Variants in CYP2C19 observed in about 807,000 individuals in gnomAD.
CYP2C19 encodes cytochrome P450 2C19.
Under a neutral mutation model 40.9 loss-of-function variants are expected in CYP2C19, and 59 were observed. The ratio of observed to expected loss-of-function variants is 1.44; its 90% CI spans 1.17 to 1.79. CYP2C19 has a LOEUF of 1.79. Among genes scored for constraint, CYP2C19 ranks in the 40% most tolerant of loss-of-function variants. The pLI, the probability that CYP2C19 is intolerant of heterozygous loss-of-function variation, is 0.00. For synonymous variants in CYP2C19, 253 were observed against 208.7 expected, an observed-to-expected ratio of 1.21 and a Z score of -1.83; for missense variants, 754 against 596.9, an observed-to-expected ratio of 1.26 and a Z score of -2.74.
intron 1 of CYP2C19, among the ~76,000 whole-genome samples, chr10:94,770,438 C>G (rs1286199150): frequency 2.0e-5 from 3 of 152,136 alleles, no homozygotes; most frequent in Non-Finnish European, 4.4e-5. Context: ...CTTTCTTTGT[C>G]TGAGGGCCAT....
At chr10:94,841,599 AT>A (rs1849496269) in intron 6 of CYP2C19, among the ~76,000 whole-genome samples, 1 of 151,610 alleles carries the variant, frequency 6.6e-6, no homozygotes, top group South Asian at 2.1e-4. Context: ...TTATTTGAAA[AT>A]TTTCTCCATT....
At chr10:94,795,468 G>T (rs1406500137) in intron 5 of CYP2C19, among the ~76,000 whole-genome samples, 1 of 152,100 alleles carries the variant, frequency 6.6e-6, no homozygotes, top group Non-Finnish European at 1.5e-5. Context: ...AAATGTACAT[G>T]TGCATGTGTC....
chr10:94,772,081 A>G (rs966305666), intron 1 of CYP2C19, among the ~76,000 whole-genome samples: 2 of 152,148 alleles, frequency 1.3e-5, no homozygotes, highest in African/African-American at 4.8e-5. Flanking sequence ...TCCTATGAAG[A>G]TGTTATGCCC....
intron 5 of CYP2C19, among the ~76,000 whole-genome samples, chr10:94,812,978 T>C (rs936590195): frequency 6.8e-6 from 1 of 146,994 alleles, no homozygotes; most frequent in Non-Finnish European, 1.5e-5. Flanking sequence ...TTTTGTGCTG[T>C]TTTTTTTTTC....
intron 8 of CYP2C19, among the ~76,000 whole-genome samples, chr10:94,851,298 A>C (rs759918013): frequency 6.6e-6 from 1 of 151,826 alleles, no homozygotes; most frequent in Non-Finnish European, 1.5e-5. Context: ...ATCTCATGAG[A>C]ACTCACTCAC....
intron 5 of CYP2C19, among the ~76,000 whole-genome samples, chr10:94,785,939 C>T (rs1287916060): frequency 6.6e-6 from 1 of 152,018 alleles, no homozygotes; most frequent in Admixed American, 6.6e-5. Context: ...CCTTCCCTGC[C>T]CACTATGTAA....
At chr10:94,763,783 A>C (rs1848205707) in intron 1 of CYP2C19, among the ~76,000 whole-genome samples, 1 of 151,972 alleles carries the variant, frequency 6.6e-6, no homozygotes, top group Non-Finnish European at 1.5e-5. Flanking sequence ...TTGTGTCTGG[A>C]ACTGGTTCTT....
At chr10:94,823,754 T>G (rs940462917) in intron 6 of CYP2C19, among the ~76,000 whole-genome samples, 1 of 152,214 alleles carries the variant, frequency 6.6e-6, no homozygotes, top group Non-Finnish European at 1.5e-5. Context: ...GACTTGCACA[T>G]TTGCCAAAAT....
At chr10:94,831,759 T>C (rs1471416409) in intron 6 of CYP2C19, among the ~76,000 whole-genome samples, 2 of 152,196 alleles carry the variant, frequency 1.3e-5, no homozygotes. Flanking sequence ...TATTAGATTT[T>C]TTTCTATAGA....
chr10:94,829,293 A>G (rs1017230661), intron 6 of CYP2C19, among the ~76,000 whole-genome samples: 3 of 152,190 alleles, frequency 2.0e-5, no homozygotes, highest in Non-Finnish European at 4.4e-5. Flanking sequence ...CATCACTTTC[A>G]GGTACACCAA....
intron 6 of CYP2C19, among the ~76,000 whole-genome samples, chr10:94,822,329 C>T (rs996040760): frequency 3.3e-5 from 5 of 152,116 alleles, no homozygotes; most frequent in African/African-American, 9.7e-5. Flanking sequence ...GAACACCCTG[C>T]CCCCATGATT....
intron 5 of CYP2C19, among the ~76,000 whole-genome samples, chr10:94,811,989 GTA>G (rs1848932993): frequency 6.6e-6 from 1 of 152,116 alleles, no homozygotes; most frequent in African/African-American, 2.4e-5. Context: ...ACAAAATTTA[GTA>G]TGTTTTTGCA....
chr10:94,818,454 G>A (rs966182584), intron 5 of CYP2C19, among the ~76,000 whole-genome samples: 14 of 151,720 alleles, frequency 9.2e-5, no homozygotes, highest in Admixed American at 1.3e-4. Context: ...GATGGAGATG[G>A]CATTGAATCT....
chr10:94,817,206 G>A (rs902212143), intron 5 of CYP2C19, among the ~76,000 whole-genome samples: 11 of 146,242 alleles, frequency 7.5e-5, no homozygotes, highest in Non-Finnish European at 1.5e-4. Context: ...CAGTGTAAAA[G>A]TGTTCCCATT....
intron 1 of CYP2C19, among the ~76,000 whole-genome samples, chr10:94,765,433 T>A (rs534170655): frequency 6.6e-6 from 1 of 152,100 alleles, no homozygotes; most frequent in African/African-American, 2.4e-5. Flanking sequence ...TTGTGTATGT[T>A]AAAAAGGTGT....
intron 1 of CYP2C19, among the ~76,000 whole-genome samples, chr10:94,765,922 A>AGT (rs1848235268): frequency 1.3e-5 from 2 of 152,076 alleles, no homozygotes. Flanking sequence ...GGGCTTGGAA[A>AGT]GTTAAGATGG....
At chr10:94,799,504 A>T (rs1047225427) in intron 5 of CYP2C19, among the ~76,000 whole-genome samples, 1 of 152,082 alleles carries the variant, frequency 6.6e-6, no homozygotes, top group Non-Finnish European at 1.5e-5. Flanking sequence ...CTCGAGGAGT[A>T]TCTTTGTGGC....
intron 5 of CYP2C19, among the ~76,000 whole-genome samples, chr10:94,818,452 TG>T (rs1168964485): frequency 6.6e-6 from 1 of 151,874 alleles, no homozygotes; most frequent in Non-Finnish European, 1.5e-5. Context: ...TTGATGGAGA[TG>T]GCATTGAATC....
At chr10:94,775,738 C>T (rs919180667) in intron 3 of CYP2C19, 199 bp downstream of exon 3, 3 of 795,074 alleles carry the variant, frequency 3.8e-6, no homozygotes, top group Non-Finnish European at 6.0e-6. Context: ...ATTGTGCATA[C>T]AGTGTGGGTA....
Sources: allele counts gnomAD v4.1 joint callset (sites outside exome capture counted in the v4.1 genomes callset), GRCh38; gene constraint gnomAD v4.1.1; transcripts MANE v1.5; gene names NCBI Gene and HGNC (gene_info 2026-07-23, HGNC 2026-07-21).